KIAA0319: variants seen among roughly 807,000 people sequenced by gnomAD.
The protein encoded by KIAA0319 is dyslexia-associated protein KIAA0319.
A neutral mutation model predicts 108.4 loss-of-function variants in KIAA0319; 83 were observed. The observed-to-expected ratio is 0.77, with a 90% CI of 0.64 to 0.92. The LOEUF is 0.92. KIAA0319 is among the 40% of genes least tolerant of loss of function. KIAA0319 has a pLI of 0.00. For missense variants in KIAA0319, 1,195 were observed against 1,322.4 expected, an observed-to-expected ratio of 0.90 and a Z score of 1.49; for synonymous variants, 484 against 510.4, an observed-to-expected ratio of 0.95 and a Z score of 0.70.
In KIAA0319 at chr6:24,626,341, G is replaced by A. The variant is rs377095460; in HGVS notation, c.-106+19395C>T. ...GAGGGCAGGATTTTGAGACCAGCCT[G>A]GTCAACATAGCAAAATCCCGTCTCT... On this transcript the variant is annotated intron_variant, in intron 1 of 20. Coordinates refer to ENST00000378214, the MANE Select transcript of KIAA0319 (RefSeq NM_014809.4). 2.4e-4 allele frequency among the ~76,000 whole-genome samples: 36 copies of A among 152,250 alleles called. No individual in the cohort carries two copies. In the South Asian group the frequency reaches 6.6e-3, roughly 28 times the overall value.
At chr6:24,617,563 T>C (rs1303175725) in intron 1 of KIAA0319, among the ~76,000 whole-genome samples, 2 of 152,214 alleles carry the variant, frequency 1.3e-5, no homozygotes, top group Admixed American at 1.3e-4. Flanking sequence ...AGCTGCCAGA[T>C]ACAGCACTGA....
At chr6:24,632,396 TAA>T (rs3033227) in intron 1 of KIAA0319, among the ~76,000 whole-genome samples, 106,952 of 151,840 alleles carry the variant, frequency 0.7, 38,237 homozygotes, top group East Asian at 0.87. Context: ...ATTCAGAAGT[TAA>T]GTTTCCAGTT....
In KIAA0319 at chr6:24,600,909, G is replaced by C. The variant is rs1770526491; in HGVS notation, c.55+140C>G. 2.5e-5 allele frequency: 28 copies of C among 1,119,324 alleles called. 2 individuals carry two copies. In the South Asian group the frequency reaches 3.5e-4, roughly 14 times the overall value. 69.3% of individuals were successfully genotyped at this position (1,119,324 alleles called of 1,614,324 possible). A position where few individuals can be genotyped will look rare whatever the true frequency, so the allele number is the denominator to read the frequency against. On this transcript the variant is annotated intron_variant, in intron 2 of 20. Transcript: ENST00000378214. The stretch of plus-strand genomic sequence containing the variant: ...GGAAAACCACTCATGCATGAGGTCT[G>C]CCTTTCATGCTTTCACCTGTAAAAT...
intron 6 of KIAA0319, among the ~76,000 whole-genome samples, chr6:24,581,709 A>G (rs900218528): frequency 2.6e-5 from 4 of 152,218 alleles, no homozygotes; most frequent in African/African-American, 9.6e-5. Context: ...TTGTGGGACA[A>G]CCAGGCTCTT....
At chr6:24,564,126 A>T in intron 15 of KIAA0319, 76 bp downstream of exon 15, 1 of 1,580,642 alleles carries the variant, frequency 6.3e-7, no homozygotes, top group Non-Finnish European at 8.6e-7. Flanking sequence ...CACACTGGTC[A>T]CATCTGTCAG....
chr6:24,552,825 C>A (rs2817249), intron 19 of KIAA0319, among the ~76,000 whole-genome samples: 44,664 of 152,060 alleles, frequency 0.29, 7,873 homozygotes, highest in African/African-American at 0.5. Flanking sequence ...GGCTGGTCTC[C>A]AACTCCTGAC....
In KIAA0319 at chr6:24,547,017, A is replaced by C; in HGVS notation, c.*148T>G. On this transcript the variant is annotated 3_prime_UTR_variant, in exon 21 of 21. Coordinates refer to ENST00000378214, the MANE Select transcript of KIAA0319 (RefSeq NM_014809.4). ...AAGTTTTTGTTTTGTGCCTTCAAAA[A>C]CCGGTCTTTTAGTACGTGGGGATAC... is the stretch of plus-strand genomic sequence containing the variant. 1.3e-6 allele frequency: 1 copy of C among 769,422 alleles called. No homozygotes were observed. The highest frequency in any genetic ancestry group is 2.1e-6 in the Non-Finnish European group (1 of 477,068). The allele number at this position is 769,422 out of a possible 1,614,324, so 47.7% of individuals were successfully genotyped here. A position where few individuals can be genotyped will look rare whatever the true frequency, so the allele number is the denominator to read the frequency against.
chr6:24,595,578 G>T (rs114022597), intron 3 of KIAA0319, among the ~76,000 whole-genome samples: 1,749 of 143,328 alleles, frequency 0.012, 40 homozygotes, highest in African/African-American at 0.036. Context: ...AAACGCTACA[G>T]GCATTTCTAG....
intron 1 of KIAA0319, among the ~76,000 whole-genome samples, chr6:24,601,505 GC>G (rs1770616241): frequency 6.6e-6 from 1 of 152,224 alleles, no homozygotes; most frequent in South Asian, 2.1e-4. Context: ...AAGGCAGTCA[GC>G]CACCATCACT....
chr6:24,570,945 C>A (rs1017010465), intron 11 of KIAA0319, among the ~76,000 whole-genome samples: 6 of 152,154 alleles, frequency 3.9e-5, no homozygotes, highest in Non-Finnish European at 8.8e-5. Flanking sequence ...AATCCCAGCA[C>A]TTTGGGAGGC....
chr6:24,620,771 T>C (rs1024114845), intron 1 of KIAA0319, among the ~76,000 whole-genome samples: 1 of 152,216 alleles, frequency 6.6e-6, no homozygotes, highest in Non-Finnish European at 1.5e-5. Context: ...GCTAATTCTA[T>C]TGGATAAAGG....
At chr6:24,604,562 T>C (rs1296441170) in intron 1 of KIAA0319, among the ~76,000 whole-genome samples, 2 of 152,198 alleles carry the variant, frequency 1.3e-5, no homozygotes, top group African/African-American at 4.8e-5. Context: ...CCCATGCCCC[T>C]TTGGTGAATG....
rs766663941 is a variant in KIAA0319, at chr6:24,551,546, C to T, written c.2949-21G>A. 2.7e-6 allele frequency: 4 copies of T among 1,472,224 alleles called. No homozygotes were observed. The East Asian group carries it at 6.8e-5, about 25-fold the overall frequency. The allele number at this position is 1,472,224 out of a possible 1,614,324, so 91.2% of individuals were successfully genotyped here. On this transcript the variant is annotated intron_variant, in intron 19 of 20. Transcript: ENST00000378214. ...TTTGTCTGAAAGGAACAATGAAAAG[C>T]TCAACTCAGATCTTTAGAAAGGTAA...
chr6:24,624,200 G>GT (rs1562091390), intron 1 of KIAA0319, among the ~76,000 whole-genome samples: 3 of 116,612 alleles, frequency 2.6e-5, no homozygotes, highest in African/African-American at 7.1e-5. Flanking sequence ...AATTTTTGGG[G>GT]TTGTTTTTTT....
intron 6 of KIAA0319, 95 bp from the exon 7 acceptor site, chr6:24,581,108 A>G: frequency 2.6e-6 from 2 of 771,724 alleles, no homozygotes; most frequent in South Asian, 1.4e-5. Flanking sequence ...CCGCACTCCT[A>G]AAGTCAGCAT....
At chr6:24,576,649 G>A in intron 9 of KIAA0319, 53 bp from the exon 10 acceptor site, 1 of 1,412,060 alleles carries the variant, frequency 7.1e-7, no homozygotes, top group Non-Finnish European at 1.0e-6. Context: ...GCTGGGTGCA[G>A]TGACTCACGC....
chr6:24,574,219 A>G (rs987652308), intron 10 of KIAA0319, among the ~76,000 whole-genome samples: 1 of 152,170 alleles, frequency 6.6e-6, no homozygotes, highest in African/African-American at 2.4e-5. Flanking sequence ...AGATTTCTTG[A>G]GCCCAGGAGT....
At position 24,588,661 on chromosome 6, in the gene KIAA0319, G is replaced by A; in HGVS notation, c.926C>T (p.Thr309Ile). The change falls in exon 4 of 21, where the codon ACT becomes ATT. Residue 309 changes from threonine to isoleucine, a missense_variant. Physicochemically the swap from Thr to Ile is moderately conservative, Grantham distance 89. Transcript: ENST00000378214. ...GGTGGACTCAGAGGGGGCTGCGCTA[G>A]TGGGAGGTGTTGGGATGCTGTGCTC... Reference protein sequence around the residue: ...STEHSIPTPPTSAAPSESTPS... With the variant: ...STEHSIPTPPISAAPSESTPS... 1 of 1,614,072 alleles carries A rather than the reference G, an allele frequency of 6.2e-7. No homozygotes were observed. The highest frequency in any genetic ancestry group is 8.5e-7 in the Non-Finnish European group (1 of 1,179,954).
chr6:24,613,448 C>G (rs1423573183), intron 1 of KIAA0319, among the ~76,000 whole-genome samples: 1 of 152,032 alleles, frequency 6.6e-6, no homozygotes, highest in African/African-American at 2.4e-5. Flanking sequence ...GTGCCCTGGG[C>G]AGCCCATTTA....
Sources: gnomAD v4.1 joint callset for allele counts (sites outside exome capture counted in the v4.1 genomes callset) on GRCh38, gnomAD v4.1.1 for gene constraint, MANE v1.5 for transcripts, NCBI Gene and HGNC (gene_info 2026-07-23, HGNC 2026-07-21) for gene names.